Variants in CBLB observed in about 807,000 individuals in gnomAD.
CBLB encodes the protein E3 ubiquitin-protein ligase CBL-B.
Under a neutral mutation model 104.9 loss-of-function variants are expected in CBLB, and 31 were observed. That is an observed-to-expected ratio of 0.30 (90% confidence interval 0.22 to 0.40). The LOEUF (loss-of-function observed/expected upper bound fraction) is 0.40, where lower values mean the gene tolerates loss of function less well. Ranked by LOEUF, CBLB falls within the 10% of genes least tolerant of loss-of-function variation. The pLI is 1.00. For synonymous variants in CBLB, 440 were observed against 422.6 expected, an observed-to-expected ratio of 1.04 and a Z score of -0.51; for missense variants, 1,062 against 1,214.6, an observed-to-expected ratio of 0.87 and a Z score of 1.87.
At chr3:105,823,713 C>T (rs1008298757) in intron 3 of CBLB, among the ~76,000 whole-genome samples, 1 of 152,252 alleles carries the variant, frequency 6.6e-6, no homozygotes, top group East Asian at 1.9e-4. Flanking sequence ...AAAGAGGAGG[C>T]TTTTCTGTCT....
In CBLB at chr3:105,665,464, TAC is replaced by T. The variant is rs1227277800; in HGVS notation, c.2689+4767_2689+4768del. Among the ~76,000 whole-genome samples the T allele has an allele frequency of 5.0e-3, 713 of 141,516 alleles. 11 individuals are homozygous for T. Among genetic ancestry groups the T allele is most frequent in the African/African-American group, 0.017 (641 of 37,960 alleles). 92.8% of individuals were successfully genotyped at this position (141,516 alleles called of 152,430 possible). A position where few individuals can be genotyped will look rare whatever the true frequency, so the allele number is the denominator to read the frequency against. ...ATATACACACACACACACATATATA[TAC>T]ACACACACACACATATATATATTTC... On this transcript the variant is annotated intron_variant, in intron 18 of 18. Transcript: ENST00000394030.
chr3:105,729,776 T>C (rs1337255229), intron 9 of CBLB, among the ~76,000 whole-genome samples: 1 of 152,128 alleles, frequency 6.6e-6, no homozygotes, highest in East Asian at 1.9e-4. Context: ...GCATATCTAA[T>C]GTTTTACAAC....
intron 3 of CBLB, among the ~76,000 whole-genome samples, chr3:105,826,958 C>T (rs76112803): frequency 0.03 from 4,589 of 152,216 alleles, 111 homozygotes; most frequent in East Asian, 0.12. Flanking sequence ...ATGCAAGATG[C>T]GTGGTATTTA....
chr3:105,794,845 C>T (rs13062734), intron 3 of CBLB, among the ~76,000 whole-genome samples: 21,762 of 152,022 alleles, frequency 0.14, 1,714 homozygotes, highest in East Asian at 0.18. Context: ...AATCTTACTC[C>T]ACATATCCAG....
At chr3:105,800,607 C>T (rs1485897981) in intron 3 of CBLB, among the ~76,000 whole-genome samples, 4 of 152,112 alleles carry the variant, frequency 2.6e-5, no homozygotes, top group Non-Finnish European at 5.9e-5. Context: ...AAGGTTTTGT[C>T]TGGTTACAAG....
At chr3:105,868,536 G>T in intron 1 of CBLB, 200 bp downstream of exon 1, 1 of 328,784 alleles carries the variant, frequency 3.0e-6, no homozygotes, top group Non-Finnish European at 5.1e-6. Context: ...CCTCACCGCC[G>T]TCTGCCTGGA....
intron 3 of CBLB, among the ~76,000 whole-genome samples, chr3:105,813,699 G>A (rs189150840): frequency 2.2e-4 from 34 of 152,220 alleles, no homozygotes; most frequent in Non-Finnish European, 4.4e-4. Context: ...TATTTTTTGT[G>A]ATGAAAGTAT....
chr3:105,771,383 G>A (rs532908907), intron 4 of CBLB, among the ~76,000 whole-genome samples: 43 of 152,036 alleles, frequency 2.8e-4, no homozygotes, highest in Admixed American at 9.2e-4. Flanking sequence ...AGATTTACCC[G>A]AAAGTAATAA....
At chr3:105,722,052 T>C (rs1317207818) in intron 9 of CBLB, among the ~76,000 whole-genome samples, 1 of 151,892 alleles carries the variant, frequency 6.6e-6, no homozygotes, top group Non-Finnish European at 1.5e-5. Context: ...TTTAAAAAAT[T>C]AGCCAGGTGT....
intron 4 of CBLB, among the ~76,000 whole-genome samples, chr3:105,764,212 A>G (rs1045039709): frequency 2.7e-4 from 41 of 152,276 alleles, no homozygotes; most frequent in African/African-American, 9.6e-4. Context: ...AGGGGCACAC[A>G]CTATTAGTCC....
chr3:105,774,268 G>C (rs923962903), intron 4 of CBLB, among the ~76,000 whole-genome samples: 2 of 151,888 alleles, frequency 1.3e-5, no homozygotes, highest in African/African-American at 2.4e-5. Context: ...AACAGTATTA[G>C]AGCATAATGG....
intron 4 of CBLB, among the ~76,000 whole-genome samples, chr3:105,761,524 G>A (rs540259716): frequency 5.9e-5 from 9 of 152,196 alleles, no homozygotes; most frequent in South Asian, 2.1e-4. Context: ...GGTTTTATAG[G>A]GGTTTCCCTT....
At chr3:105,825,353 G>A (rs945154077) in intron 3 of CBLB, among the ~76,000 whole-genome samples, 11 of 152,184 alleles carry the variant, frequency 7.2e-5, no homozygotes, top group Non-Finnish European at 1.3e-4. Flanking sequence ...CTCAGATAGT[G>A]AGAAAAAGGA....
chr3:105,775,123 T>C (rs750901767), intron 4 of CBLB, among the ~76,000 whole-genome samples: 3 of 152,322 alleles, frequency 2.0e-5, no homozygotes, highest in South Asian at 2.1e-4. Context: ...TGAATGAATA[T>C]ATGAACATTA....
At chr3:105,745,103 G>C (rs1045925167) in intron 6 of CBLB, among the ~76,000 whole-genome samples, 6 of 152,146 alleles carry the variant, frequency 3.9e-5, no homozygotes, top group African/African-American at 1.4e-4. Context: ...ATGAATACCA[G>C]AATAGCATCT....
chr3:105,694,264 C>T (rs971888913), intron 12 of CBLB, among the ~76,000 whole-genome samples: 3 of 151,890 alleles, frequency 2.0e-5, no homozygotes, highest in African/African-American at 7.2e-5. Context: ...ATTCTGATGT[C>T]TAGATTTCTG....
chr3:105,828,942 G>A (rs1265143060), intron 3 of CBLB, among the ~76,000 whole-genome samples: 3 of 151,852 alleles, frequency 2.0e-5, no homozygotes, highest in Admixed American at 2.0e-4. Flanking sequence ...AACCACAGTG[G>A]AACAGAAGCT....
intron 3 of CBLB, among the ~76,000 whole-genome samples, chr3:105,826,537 T>A (rs2086607847): frequency 6.6e-6 from 1 of 152,218 alleles, no homozygotes; most frequent in Non-Finnish European, 1.5e-5. Flanking sequence ...ACAGCTTTTG[T>A]AAGATCAAAT....
At chr3:105,734,507 G>A (rs2074684909) in intron 8 of CBLB, among the ~76,000 whole-genome samples, 1 of 148,230 alleles carries the variant, frequency 6.7e-6, no homozygotes, top group Admixed American at 6.8e-5. Flanking sequence ...AATGCCACAT[G>A]CTCATATAAT....
Sources: gnomAD v4.1 joint callset for allele counts (sites outside exome capture counted in the v4.1 genomes callset) on GRCh38, gnomAD v4.1.1 for gene constraint, MANE v1.5 for transcripts, NCBI Gene and HGNC (gene_info 2026-07-23, HGNC 2026-07-21) for gene names.